Variants in CCNYL1 observed in about 807,000 individuals in gnomAD.
The protein encoded by CCNYL1 is cyclin Y like 1, also known as cyclin-Y-like protein 1.
CCNYL1 carries 16 observed loss-of-function variants against 44.2 expected under a neutral mutation model. That is an observed-to-expected ratio of 0.36 (90% CI 0.25 to 0.55). The LOEUF is 0.55. Among genes scored for constraint, CCNYL1 ranks in the 20% least tolerant of loss-of-function variants. The pLI is 0.85. For synonymous variants in CCNYL1, 159 were observed against 163.2 expected, an observed-to-expected ratio of 0.97 and a Z score of 0.20; for missense variants, 348 against 451.8, an observed-to-expected ratio of 0.77 and a Z score of 2.08.
At chr2:207,750,439 C>A (rs1316096133) in intron 8 of CCNYL1, among the ~76,000 whole-genome samples, 1 of 152,144 alleles carries the variant, frequency 6.6e-6, no homozygotes, top group Admixed American at 6.5e-5. Context: ...CTTGTTGCCT[C>A]AAGAGTTTTT....
intron 8 of CCNYL1, among the ~76,000 whole-genome samples, chr2:207,748,851 C>G (rs2091873163): frequency 6.6e-6 from 1 of 152,172 alleles, no homozygotes. Flanking sequence ...GCCGTTTTAG[C>G]AAAGGGTGTG....
chr2:207,745,817 C>T (rs1286104224), intron 7 of CCNYL1, among the ~76,000 whole-genome samples: 1 of 152,064 alleles, frequency 6.6e-6, no homozygotes, highest in Non-Finnish European at 1.5e-5. Flanking sequence ...GGCGTGCTGG[C>T]GGGTGCTCAG....
chr2:207,734,882 A>G (rs1250609899), intron 4 of CCNYL1, among the ~76,000 whole-genome samples: 1 of 152,200 alleles, frequency 6.6e-6, no homozygotes, highest in African/African-American at 2.4e-5. Context: ...GTTGAAATCA[A>G]ATTGTGTTTC....
intron 1 of CCNYL1, among the ~76,000 whole-genome samples, chr2:207,713,434 G>C (rs2091569358): frequency 6.6e-6 from 1 of 152,130 alleles, no homozygotes. Context: ...GGGTTCGTCA[G>C]ACTCTAAACC....
chr2:207,720,485 T>C (rs2091632710), intron 1 of CCNYL1, among the ~76,000 whole-genome samples: 1 of 151,858 alleles, frequency 6.6e-6, no homozygotes, highest in South Asian at 2.1e-4. Context: ...TAGAGCTCAC[T>C]GTAACCTCAA....
chr2:207,741,776 G>A (rs981048446), intron 6 of CCNYL1, among the ~76,000 whole-genome samples: 6 of 151,650 alleles, frequency 4.0e-5, no homozygotes, highest in African/African-American at 1.2e-4. Context: ...AACCTGGGAG[G>A]TGGAGGTTGC....
At chr2:207,741,695 A>G (rs1367481807) in intron 6 of CCNYL1, among the ~76,000 whole-genome samples, 1 of 151,662 alleles carries the variant, frequency 6.6e-6, no homozygotes, top group African/African-American at 2.4e-5. Context: ...AAATACAAAA[A>G]ATTAGCCGGA....
intron 8 of CCNYL1, among the ~76,000 whole-genome samples, chr2:207,748,581 A>G (rs2091871549): frequency 6.6e-6 from 1 of 152,224 alleles, no homozygotes; most frequent in African/African-American, 2.4e-5. Flanking sequence ...TTAGAAAAAT[A>G]TGAAGGAGCA....
At chr2:207,751,167 C>T (rs780370813) in intron 9 of CCNYL1, 48 bp downstream of exon 9, 1 of 1,520,892 alleles carries the variant, frequency 6.6e-7, no homozygotes, top group Non-Finnish European at 9.0e-7. Context: ...GCCACCAAAG[C>T]CAACATCTGT....
chr2:207,722,897 T>C (rs1380541327), intron 1 of CCNYL1, among the ~76,000 whole-genome samples: 1 of 151,352 alleles, frequency 6.6e-6, no homozygotes, highest in Non-Finnish European at 1.5e-5. Context: ...AGGTGGAGGT[T>C]GCAGTGAGCC....
chr2:207,753,593 T>G lies in CCNYL1; in HGVS notation c.975T>G (p.Ile325Met). 1 of 1,606,502 alleles carries G rather than the reference T, an allele frequency of 6.2e-7. No individual in the cohort carries two copies. The highest frequency in any genetic ancestry group is 2.2e-5 in the East Asian group (1 of 44,826). The stretch of plus-strand genomic sequence containing the variant: ...TATTTGATTGACTTTCCTAGGCTAT[T>G]TCTAGATTGTGTGAAGACAAAGACT... ...SKERAQNLEA[I>M]SRLCEDKDLC... The change falls in exon 10 of 10, where the codon ATT becomes ATG. Residue 325 changes from isoleucine (I) to methionine (M), a missense_variant. Physicochemically the swap from Ile to Met is conservative, Grantham distance 10. Transcript: ENST00000295414.
Position 207,712,031 on chromosome 2 carries a change from C to A in CCNYL1, c.135C>A (p.Pro45=), listed in dbSNP as rs770657446. The part of the protein sequence containing the change: ...AVSGDAVAVA[P]AVVEPAELDF... ...CCGGGGACGCGGTGGCGGTAGCGCC[C>A]GCTGTGGTGGAGCCTGCCGAGTTGG... is the stretch of plus-strand genomic sequence containing the variant. Residue 45 remains proline, a synonymous_variant, in exon 1 of 10, where the codon CCC becomes CCA. Coordinates refer to ENST00000295414, the MANE Select transcript of CCNYL1 (RefSeq NM_001330218.2). The A allele has an allele frequency of 5.9e-6, 9 of 1,515,812 alleles. No individual in the cohort carries two copies. The highest frequency in any genetic ancestry group is 8.0e-6 in the Non-Finnish European group (9 of 1,131,704). 93.9% of individuals were successfully genotyped at this position (1,515,812 alleles called of 1,614,324 possible). A position where few individuals can be genotyped will look rare whatever the true frequency, so the allele number is the denominator to read the frequency against.
chr2:207,728,905 T>G (rs1293154206), intron 3 of CCNYL1, among the ~76,000 whole-genome samples: 2 of 152,102 alleles, frequency 1.3e-5, no homozygotes, highest in East Asian at 3.9e-4. Context: ...CAAGCAATTC[T>G]CCTGCCTTAG....
At chr2:207,737,350 T>C in intron 4 of CCNYL1, 61 bp from the exon 5 acceptor site, 1 of 1,300,692 alleles carries the variant, frequency 7.7e-7, no homozygotes, top group Admixed American at 1.9e-5. Flanking sequence ...TTAAAAAATG[T>C]CTTCAGGCCT....
Position 207,754,312 on chromosome 2 carries a change from T to C in CCNYL1, c.*614T>C, listed in dbSNP as rs574372866. On this transcript the variant is annotated 3_prime_UTR_variant, in exon 10 of 10. Transcript: ENST00000295414. ...TTCATATTCTTTGCAAGCATTACTT[T>C]AGCATTTTAGCATGTTTGGGGTCAT... 2 of 152,806 alleles carry C rather than the reference T, an allele frequency of 1.3e-5. No homozygotes were observed. The highest frequency in any genetic ancestry group is 3.9e-4 in the East Asian group (2 of 5,192). The allele number at this position is 152,806 out of a possible 1,614,324, so 9.5% of individuals were successfully genotyped here. A position where few individuals can be genotyped will look rare whatever the true frequency, so the allele number is the denominator to read the frequency against.
At chr2:207,716,568 G>A (rs916146148) in intron 1 of CCNYL1, among the ~76,000 whole-genome samples, 1 of 152,090 alleles carries the variant, frequency 6.6e-6, no homozygotes, top group Non-Finnish European at 1.5e-5. Context: ...TCCATGCCAG[G>A]ACACCCTGCT....
intron 4 of CCNYL1, among the ~76,000 whole-genome samples, chr2:207,734,716 T>C (rs1156328646): frequency 3.3e-5 from 5 of 152,364 alleles, no homozygotes; most frequent in African/African-American, 1.2e-4. Context: ...TAATTTTACT[T>C]TTTAGTCTAA....
chr2:207,751,908 G>A (rs1054458023), intron 9 of CCNYL1, among the ~76,000 whole-genome samples: 2 of 151,548 alleles, frequency 1.3e-5, no homozygotes, highest in Admixed American at 1.3e-4. Flanking sequence ...GGGGGTGCAT[G>A]CCTGTAATCC....
chr2:207,731,277 A>G (rs1575214947), intron 3 of CCNYL1, among the ~76,000 whole-genome samples: 1 of 152,248 alleles, frequency 6.6e-6, no homozygotes, highest in East Asian at 1.9e-4. Flanking sequence ...GTGGATAGGC[A>G]TAGGAGTTCA....
Sources: gnomAD v4.1 joint callset for allele counts (sites outside exome capture counted in the v4.1 genomes callset) on GRCh38, gnomAD v4.1.1 for gene constraint, MANE v1.5 for transcripts, NCBI Gene and HGNC (gene_info 2026-07-23, HGNC 2026-07-21) for gene names.